The following TMEM272 variants were observed in gnomAD, a reference collection of about 807,000 sequenced individuals.
TMEM272 encodes transmembrane protein 272.
In TMEM272, 8 loss-of-function variants were observed where a neutral mutation model predicts 3.7. That is an observed-to-expected ratio of 2.17 (90% CI 1.27 to 3.91). The LOEUF (loss-of-function observed/expected upper bound fraction) is 3.91, where lower values mean the gene tolerates loss of function less well. TMEM272 is among the 30% of genes most tolerant of loss of function. The probability of loss-of-function intolerance (pLI) is 0.00; values close to 1 mark genes in which losing one functional copy is unlikely to be tolerated. For missense variants in TMEM272, 166 were observed against 91.5 expected (o/e 1.81, Z -3.32); for synonymous variants, 63 against 39.8 (o/e 1.58, Z -2.20).
the TMEM272 span, among the ~76,000 whole-genome samples, chr13:51,899,710 C>T: frequency 0.95 from 144,072 of 152,292 alleles, 68,230 homozygotes; most frequent in East Asian, 1. Context: ...TACAACAAAA[C>T]TGGGGGACTC....
At chr13:51,867,400 G>A in the TMEM272 span, among the ~76,000 whole-genome samples, 13 of 152,290 alleles carry the variant, frequency 8.5e-5, no homozygotes, top group African/African-American at 2.9e-4. Context: ...CCTGGGTCAC[G>A]GGAAGTGACT....
chr13:51,859,543 CACACAG>C, the TMEM272 span, among the ~76,000 whole-genome samples: 1 of 150,806 alleles, frequency 6.6e-6, no homozygotes, highest in African/African-American at 2.5e-5. Context: ...CACACACACA[CACACAG>C]ACACCCCCTC....
the TMEM272 span, among the ~76,000 whole-genome samples, chr13:51,863,708 C>CACACACACACA: frequency 6.7e-4 from 95 of 141,132 alleles, no homozygotes; most frequent in Middle Eastern, 6.9e-3. Context: ...CACACACACA[C>CACACACACACA]ACCAGCTATG....
At chr13:51,872,462 A>C in the TMEM272 span, among the ~76,000 whole-genome samples, 1 of 152,178 alleles carries the variant, frequency 6.6e-6, no homozygotes, top group Non-Finnish European at 1.5e-5. Context: ...TCAAAAAAGA[A>C]AGAAAAGGAA....
chr13:51,867,677 G>T, the TMEM272 span, among the ~76,000 whole-genome samples: 1 of 152,160 alleles, frequency 6.6e-6, no homozygotes. Flanking sequence ...CAAGTCCTCT[G>T]ATTCTCAGAG....
At chr13:51,920,917 T>C in the TMEM272 span, among the ~76,000 whole-genome samples, 653 of 152,346 alleles carry the variant, frequency 4.3e-3, 6 homozygotes, top group African/African-American at 0.014. Context: ...CTCTGCCCCA[T>C]CGTGCCTGAG....
chr13:51,914,870 G>A, the TMEM272 span, among the ~76,000 whole-genome samples: 1 of 152,186 alleles, frequency 6.6e-6, no homozygotes, highest in South Asian at 2.1e-4. Flanking sequence ...TTCAAATCCT[G>A]GCTTGGCCAT....
chr13:51,906,512 G>A, the TMEM272 span, among the ~76,000 whole-genome samples: 1 of 152,192 alleles, frequency 6.6e-6, no homozygotes, highest in Admixed American at 6.5e-5. Context: ...CCTAAAGTGG[G>A]GAGTAAATGT....
the TMEM272 span, among the ~76,000 whole-genome samples, chr13:51,871,588 T>C: frequency 1.1e-3 from 171 of 152,116 alleles, no homozygotes; most frequent in African/African-American, 3.9e-3. Flanking sequence ...AGTGAGCCAC[T>C]TTGGAAGCAG....
chr13:51,883,002 C>T, the TMEM272 span, among the ~76,000 whole-genome samples: 1 of 152,326 alleles, frequency 6.6e-6, no homozygotes, highest in South Asian at 2.1e-4. Context: ...TGTGGCTGGA[C>T]TGGGTGTGCC....
At chr13:51,817,690 T>G (rs1375869105) in intron 4 of TMEM272, among the ~76,000 whole-genome samples, 2 of 145,970 alleles carry the variant, frequency 1.4e-5, no homozygotes, top group Non-Finnish European at 3.0e-5. Flanking sequence ...ACTGCCCATC[T>G]CAGGCATCTG....
At chr13:51,847,311 A>G (rs1956312178), upstream of TMEM272, among the ~76,000 whole-genome samples, 1 of 152,218 alleles carries the variant, frequency 6.6e-6, no homozygotes, top group African/African-American at 2.4e-5. Context: ...TCAGATCAGC[A>G]ACGGCATTTG....
At chr13:51,889,076 A>T in the TMEM272 span, among the ~76,000 whole-genome samples, 1 of 152,198 alleles carries the variant, frequency 6.6e-6, no homozygotes, top group Non-Finnish European at 1.5e-5. Context: ...CCACAATAAC[A>T]ACCCTGTGAT....
At chr13:51,919,564 CTG>C in the TMEM272 span, among the ~76,000 whole-genome samples, 308 of 152,230 alleles carry the variant, frequency 2.0e-3, no homozygotes, top group African/African-American at 7.0e-3. Flanking sequence ...CTTTAAGTAT[CTG>C]TAATTTTTTT....
At chr13:51,925,732 C>T in the TMEM272 span, among the ~76,000 whole-genome samples, 1 of 152,142 alleles carries the variant, frequency 6.6e-6, no homozygotes, top group African/African-American at 2.4e-5. Flanking sequence ...CCTAAACACC[C>T]CTTACCCACC....
chr13:51,836,370 A>C (rs1056968392), intron 2 of TMEM272, among the ~76,000 whole-genome samples: 1 of 152,254 alleles, frequency 6.6e-6, no homozygotes, highest in Non-Finnish European at 1.5e-5. Flanking sequence ...TTATAGCAGC[A>C]CAAAGTGGAT....
At chr13:51,893,942 G>A in the TMEM272 span, among the ~76,000 whole-genome samples, 5 of 152,164 alleles carry the variant, frequency 3.3e-5, no homozygotes, top group South Asian at 6.2e-4. Flanking sequence ...AGTAATAAAT[G>A]ATGAAGACAG....
chr13:51,891,588 T>G, the TMEM272 span, among the ~76,000 whole-genome samples: 1 of 152,214 alleles, frequency 6.6e-6, no homozygotes, highest in Non-Finnish European at 1.5e-5. Context: ...GGATTGGGGC[T>G]CCTATGCCCA....
intron 2 of TMEM272, among the ~76,000 whole-genome samples, chr13:51,833,117 G>T (rs549682827): frequency 6.6e-5 from 10 of 152,216 alleles, no homozygotes; most frequent in African/African-American, 2.4e-4. Flanking sequence ...TGGCTTTTCT[G>T]TCAAAGGAAA....
Sources: gnomAD v4.1 joint callset for allele counts (sites outside exome capture counted in the v4.1 genomes callset) on GRCh38, gnomAD v4.1.1 for gene constraint, MANE v1.5 for transcripts, NCBI Gene and HGNC (gene_info 2026-07-23, HGNC 2026-07-21) for gene names.